The following NUP35 variants were observed in gnomAD, a reference collection of about 807,000 sequenced individuals.
NUP35 encodes the protein nucleoporin NUP35.
Under a neutral mutation model 41.5 loss-of-function variants are expected in NUP35, and 25 were observed. The observed-to-expected ratio is 0.60, with a 90% CI of 0.44 to 0.84. The LOEUF is 0.84. Ranked by LOEUF, NUP35 falls within the 40% of genes least tolerant of loss-of-function variation. The pLI, the probability that NUP35 is intolerant of heterozygous loss-of-function variation, is 0.00. For missense variants in NUP35, 396 were observed against 396.6 expected (o/e 1.00, Z 0.01); for synonymous variants, 149 against 130.7 (o/e 1.14, Z -0.96).
In NUP35 at chr2:183,130,387, C is replaced by CTT. The variant is rs34173657; in HGVS notation, c.212-13_212-12dup. The stretch of plus-strand genomic sequence containing the variant: ...AAAATCTTACCAAAAAGAAGAATCC[C>CTT]TTTTTTTTTTTTTTTTTTTGTACAC... On this transcript the variant is annotated intron_variant, in intron 2 of 8. Transcript: ENST00000295119. The CTT allele has an allele frequency of 9.3e-3, 11,809 of 1,267,784 alleles. 43 individuals carry two copies. Among genetic ancestry groups the CTT allele is most frequent in the African/African-American group, 0.01 (584 of 55,668 alleles). The allele number at this position is 1,267,784 out of a possible 1,614,324, so 78.5% of individuals were successfully genotyped here.
chr2:183,131,016 CA>C, intron 3 of NUP35: 1 of 744,432 alleles, frequency 1.3e-6, no homozygotes, highest in Non-Finnish European at 2.0e-6. Context: ...GGGTCCTGAT[CA>C]GTTGCCCAGG....
At chr2:183,128,187 A>T in intron 1 of NUP35, 100 bp from the exon 2 acceptor site, 1 of 937,386 alleles carries the variant, frequency 1.1e-6, no homozygotes, top group Non-Finnish European at 1.5e-6. Flanking sequence ...AGTTTTGATT[A>T]AATTTGCAAA....
At chr2:183,127,297 TAAAA>T (rs1684528713) in intron 1 of NUP35, among the ~76,000 whole-genome samples, 1 of 150,966 alleles carries the variant, frequency 6.6e-6, no homozygotes, top group Admixed American at 6.6e-5. Context: ...TTTTTTTAAA[TAAAA>T]AAGATGAGAT....
rs554903404 is a variant in NUP35 at position 183,145,073 on chromosome 2, T to A, written c.398-6435T>A. The stretch of plus-strand genomic sequence containing the variant: ...TTGGATTGGCTTCAGATTAAATGCC[T>A]TTTACTGTCTTCAGTTTGTTAATGG... On this transcript the variant is annotated intron_variant, in intron 4 of 8. Coordinates refer to ENST00000295119, the MANE Select transcript of NUP35 (RefSeq NM_138285.5). Among the ~76,000 whole-genome samples the A allele has an allele frequency of 2.6e-5, 4 of 152,340 alleles. No individual in the cohort carries two copies. The East Asian group carries it at 7.7e-4, about 29-fold the overall frequency.
At chr2:183,158,892 C>T (rs1174556301) in intron 7 of NUP35, among the ~76,000 whole-genome samples, 5 of 152,114 alleles carry the variant, frequency 3.3e-5, no homozygotes, top group African/African-American at 1.2e-4. Context: ...TATATATACT[C>T]ATTAAATAGT....
intron 4 of NUP35, 76 bp downstream of exon 4, chr2:183,133,699 G>A: frequency 6.3e-6 from 6 of 956,068 alleles, no homozygotes; most frequent in Middle Eastern, 3.4e-4. Context: ...GAGTGCAGTG[G>A]TGTGATCACG....
At chr2:183,142,397 TATC>T (rs1411862869) in intron 4 of NUP35, among the ~76,000 whole-genome samples, 2 of 152,202 alleles carry the variant, frequency 1.3e-5, no homozygotes, top group African/African-American at 4.8e-5. Context: ...CCTTTTATGT[TATC>T]ATTTATATCT....
chr2:183,131,547 G>A (rs1435909367), intron 3 of NUP35, among the ~76,000 whole-genome samples: 1 of 152,158 alleles, frequency 6.6e-6, no homozygotes, highest in African/African-American at 2.4e-5. Flanking sequence ...TTCATTCACT[G>A]TGGTAAACAG....
Position 183,151,582 on chromosome 2 carries a change from T to C in NUP35, c.472T>C (p.Phe158Leu). The change falls in exon 5 of 9, where the codon TTT (phenylalanine) becomes CTT (leucine). Residue 158 changes from phenylalanine to leucine, a missense_variant. Transcript: ENST00000295119. ...TTLSPAQLDP[F>L]YTQGDSLTSE... ...ATTATCTCCTGCCCAGTTGGATCCT[T>C]TTTATACTCAAGGAGATTCTTTGAC... 1.2e-6 allele frequency: 2 copies of C among 1,613,954 alleles called. No individual in the cohort carries two copies. Among genetic ancestry groups the C allele is most frequent in the South Asian group, 2.2e-5 (2 of 91,082 alleles).
intron 4 of NUP35, among the ~76,000 whole-genome samples, chr2:183,142,969 A>G (rs572476738): frequency 6.6e-6 from 1 of 151,866 alleles, no homozygotes; most frequent in South Asian, 2.1e-4. Context: ...GTCCTAGCTA[A>G]CAAGGTGAAA....
chr2:183,142,571 C>G (rs1258994726), intron 4 of NUP35, among the ~76,000 whole-genome samples: 1 of 151,590 alleles, frequency 6.6e-6, no homozygotes, highest in Non-Finnish European at 1.5e-5. Context: ...AACCTGCCTC[C>G]CCAGGTTCAA....
intron 2 of NUP35, 40 bp downstream of exon 2, chr2:183,128,497 A>G: frequency 6.7e-7 from 1 of 1,496,374 alleles, no homozygotes; most frequent in Non-Finnish European, 9.0e-7. Context: ...GACATGCTAG[A>G]TACAGGGATG....
At chr2:183,121,270 C>T (rs2675053), upstream of NUP35, among the ~76,000 whole-genome samples, 145,207 of 152,192 alleles carry the variant, frequency 0.95, 69,306 homozygotes, top group East Asian at 1. Flanking sequence ...AGCCAATCTG[C>T]AATTAATTAA....
intron 3 of NUP35, among the ~76,000 whole-genome samples, chr2:183,131,844 C>T (rs1403509328): frequency 2.0e-5 from 3 of 151,982 alleles, no homozygotes; most frequent in Non-Finnish European, 2.9e-5. Context: ...TAAAATTACA[C>T]GTATGGAATT....
At position 183,159,470 on chromosome 2, in the gene NUP35, ATTTC is replaced by A. The variant is rs753723147; in HGVS notation, c.739-14_739-11del. 17 of 1,603,378 alleles carry A rather than the reference ATTTC, an allele frequency of 1.1e-5. No individual in the cohort carries two copies. In the African/African-American group the frequency reaches 2.0e-4, roughly 19 times the overall value. On this transcript the variant is annotated splice_polypyrimidine_tract_variant and intron_variant, in intron 7 of 8. Coordinates refer to ENST00000295119, the MANE Select transcript of NUP35 (RefSeq NM_138285.5). ...TATTATGTTTATAAACAAAGGAGTT[ATTTC>A]TTTGTTTCTCCAGAGTGTTATGGAA...
At chr2:183,128,093 A>G (rs997777039) in intron 1 of NUP35, among the ~76,000 whole-genome samples, 194 bp from the exon 2 acceptor site, 2 of 151,992 alleles carry the variant, frequency 1.3e-5, no homozygotes, top group African/African-American at 2.4e-5. Context: ...AAAAGTGAAT[A>G]CAAGATAACT....
At chr2:183,144,231 A>G (rs1330605201) in intron 4 of NUP35, among the ~76,000 whole-genome samples, 3 of 152,218 alleles carry the variant, frequency 2.0e-5, no homozygotes, top group Non-Finnish European at 4.4e-5. Flanking sequence ...GCGTCAATGT[A>G]TGGCAATATA....
chr2:183,124,361 C>A (rs1700113936), upstream of NUP35: 2 of 1,602,778 alleles, frequency 1.2e-6, no homozygotes, highest in Admixed American at 1.7e-5. Context: ...AGTTACGCAA[C>A]CCCATAAGGT....
chr2:183,144,002 A>G (rs36054361), intron 4 of NUP35, among the ~76,000 whole-genome samples: 34,216 of 152,104 alleles, frequency 0.22, 4,080 homozygotes, highest in African/African-American at 0.3. Flanking sequence ...CCAGCTGTCT[A>G]TAAATTAAGA....
Sources: allele counts gnomAD v4.1 joint callset (sites outside exome capture counted in the v4.1 genomes callset), GRCh38; gene constraint gnomAD v4.1.1; transcripts MANE v1.5; gene names NCBI Gene and HGNC (gene_info 2026-07-23, HGNC 2026-07-21).